Variants in CIT observed in about 807,000 individuals in gnomAD.
CIT encodes the protein citron rho-interacting serine/threonine kinase.
CIT carries 79 observed loss-of-function variants against 272.7 expected under a neutral mutation model. The ratio of observed to expected loss-of-function variants is 0.29; its 90% CI spans 0.24 to 0.35. The LOEUF (loss-of-function observed/expected upper bound fraction) is 0.35. Ranked by LOEUF, CIT falls within the 10% of genes least tolerant of loss-of-function variation. The probability of loss-of-function intolerance (pLI) is 1.00; values close to 1 mark genes in which losing one functional copy is unlikely to be tolerated. For synonymous variants in CIT, 948 were observed against 995.6 expected, an observed-to-expected ratio of 0.95 and a Z score of 0.90; for missense variants, 1,909 against 2,618.3, an observed-to-expected ratio of 0.73 and a Z score of 5.91.
chr12:119,712,058 G>T lies in CIT; in HGVS notation c.4854+120C>A, dbSNP rs913106640. 7.1e-5 allele frequency: 67 copies of T among 946,812 alleles called. No homozygotes were observed. The highest frequency in any genetic ancestry group is 1.6e-4 in the Admixed American group (7 of 43,020). 58.7% of individuals were successfully genotyped at this position (946,812 alleles called of 1,614,324 possible). A position where few individuals can be genotyped will look rare whatever the true frequency, so the allele number is the denominator to read the frequency against. On this transcript the variant is annotated intron_variant, in intron 37 of 47. Coordinates refer to ENST00000392521, the MANE Select transcript of CIT (RefSeq NM_001206999.2). This position sits in a 1 kb window ranked among gnomAD's most constrained non-coding sequence, Gnocchi z 5.2. Reference sequence around the variant, plus strand: ...GCCATGACACAGTCTAGAGCCATCAGCCCTCAGAGAGAGAGCCTGAGGGGA... The same window carrying T: ...GCCATGACACAGTCTAGAGCCATCATCCCTCAGAGAGAGAGCCTGAGGGGA...
intron 9 of CIT, among the ~76,000 whole-genome samples, chr12:119,807,156 G>GT (rs1966659438): frequency 1.3e-5 from 2 of 152,188 alleles, no homozygotes; most frequent in South Asian, 4.1e-4. Context: ...AGGTCCCCAG[G>GT]TGATTCATGT....
rs896083034 is a variant in CIT, at chr12:119,713,004, C to T, written c.4579+199G>A. 4 of 618,570 alleles carry T rather than the reference C, an allele frequency of 6.5e-6. No individual in the cohort carries two copies. Among genetic ancestry groups the T allele is most frequent in the East Asian group, 2.7e-5 (1 of 37,120 alleles). The allele number at this position is 618,570 out of a possible 1,614,324, so 38.3% of individuals were successfully genotyped here. ...GTGGAATCTTCAGGGCAGCGCCCTG[C>T]GGGTTCTTCAGGGGGGAGACCTATA... is the stretch of plus-strand genomic sequence containing the variant. On this transcript the variant is annotated intron_variant, in intron 35 of 47. Coordinates refer to ENST00000392521, the MANE Select transcript of CIT (RefSeq NM_001206999.2). This position sits in a 1 kb window ranked among gnomAD's most constrained non-coding sequence, Gnocchi z 5.2.
chr12:119,830,763 G>T (rs2138105204), intron 7 of CIT, among the ~76,000 whole-genome samples: 2 of 152,254 alleles, frequency 1.3e-5, no homozygotes, highest in South Asian at 2.1e-4. Flanking sequence ...CCACAACAAA[G>T]AATTATTCAG....
At chr12:119,757,922 G>A (rs1045221680) in intron 21 of CIT, among the ~76,000 whole-genome samples, 7 of 152,142 alleles carry the variant, frequency 4.6e-5, no homozygotes, top group African/African-American at 1.7e-4. Flanking sequence ...ATGAAGGCAG[G>A]CCCTGGAGAA....
rs203349 is a variant in CIT at position 119,795,147 on chromosome 12, C to T, written c.1295+8059G>A. Among the ~76,000 whole-genome samples the T allele has an allele frequency of 8.2e-3, 1,244 of 152,144 alleles. 17 individuals carry two copies. Among genetic ancestry groups the T allele is most frequent in the African/African-American group, 0.028 (1,172 of 41,498 alleles). On this transcript the variant is annotated intron_variant, in intron 10 of 47. Transcript: ENST00000392521. ...CTGTAATCACAACACTTTGGGAGGC[C>T]GAGGCTGGCAGATCACTTGAGGTCA...
chr12:119,802,754 C>T (rs148265233), intron 10 of CIT, among the ~76,000 whole-genome samples: 2 of 152,196 alleles, frequency 1.3e-5, no homozygotes, highest in Non-Finnish European at 2.9e-5. Context: ...AAACCTCTAG[C>T]TTATGAGACA....
At chr12:119,783,873 A>G in intron 12 of CIT, 35 bp downstream of exon 12, 1 of 1,540,292 alleles carries the variant, frequency 6.5e-7, no homozygotes, top group African/African-American at 1.4e-5. Context: ...AGGAAGTGCC[A>G]CCTCCAAGGG....
At position 119,850,294 on chromosome 12, in the gene CIT, G is replaced by T. The variant is rs746129282; in HGVS notation, c.415-19C>A. 1.0e-5 allele frequency: 15 copies of T among 1,496,676 alleles called. No individual in the cohort carries two copies. The highest frequency in any genetic ancestry group is 1.4e-5 in the African/African-American group (1 of 71,486). 92.7% of individuals were successfully genotyped at this position (1,496,676 alleles called of 1,614,324 possible). A position where few individuals can be genotyped will look rare whatever the true frequency, so the allele number is the denominator to read the frequency against. Reference sequence around the variant, plus strand: ...ATGAAACCTAGGGAAAAAAGAAACTGCTTAGACAATTATAAAGAACTGTGA... The same window carrying T: ...ATGAAACCTAGGGAAAAAAGAAACTTCTTAGACAATTATAAAGAACTGTGA... On this transcript the variant is annotated intron_variant, in intron 4 of 47. Transcript: ENST00000392521.
Position 119,752,181 on chromosome 12 carries a change from G to C in CIT, c.2773C>G (p.Leu925Val). Residue 925 changes from leucine (L) to valine (V), a missense_variant, in exon 23 of 48, where the codon CTG (leucine) becomes GTG (valine). Physicochemically the swap from Leu to Val is conservative, Grantham distance 32. Around this residue, in one of 8 missense-constraint regions of CIT, gnomAD observed 530 missense variants for 822.4 expected, o/e 0.64. Coordinates refer to ENST00000392521, the MANE Select transcript of CIT (RefSeq NM_001206999.2). ...KRQLTELQLS[L>V]QERESQLTAL... is the part of the protein sequence containing the mutation. The stretch of plus-strand genomic sequence containing the variant: ...GTCAACTGTGACTCGCGCTCCTGCA[G>C]GGAGAGCTGTAGCTCTGTGAGCTGG... 6.2e-7 allele frequency: 1 copy of C among 1,612,232 alleles called. No homozygotes were observed. Among genetic ancestry groups the C allele is most frequent in the Non-Finnish European group, 8.5e-7 (1 of 1,179,998 alleles).
intron 5 of CIT, among the ~76,000 whole-genome samples, chr12:119,842,014 G>A (rs541568751): frequency 6.6e-5 from 10 of 152,306 alleles, no homozygotes; most frequent in South Asian, 2.1e-4. Flanking sequence ...TGGAAAAGAA[G>A]TTCATGAGTC....
In CIT at chr12:119,722,992, T is replaced by G. The variant is rs376860754; in HGVS notation, c.3592-1543A>C. Among the ~76,000 whole-genome samples the G allele has an allele frequency of 4.6e-5, 7 of 152,030 alleles. No homozygotes were observed. The South Asian group carries it at 1.2e-3, about 27-fold the overall frequency. On this transcript the variant is annotated intron_variant, in intron 28 of 47. Transcript: ENST00000392521. ...ATCGCTTGAGCCCATGAGTTCGAAG[T>G]GGCAATGAGCTATGATTATGCCACT... is the stretch of plus-strand genomic sequence containing the variant.
At position 119,713,252 on chromosome 12, in the gene CIT, A is replaced by G. The variant is rs145311968; in HGVS notation, c.4530T>C (p.Ile1510=). 6.2e-7 allele frequency: 1 copy of G among 1,614,122 alleles called. No individual in the cohort carries two copies. The highest frequency in any genetic ancestry group is 8.5e-7 in the Non-Finnish European group (1 of 1,179,996). Residue 1510 remains isoleucine (I), a synonymous_variant, in exon 35 of 48, where the codon ATT becomes ATC. Coordinates refer to ENST00000392521, the MANE Select transcript of CIT (RefSeq NM_001206999.2). The surrounding 1 kb of genome is among the most constrained non-coding windows in gnomAD (Gnocchi z 5.2). ...RGQQGWDRKY[I]VLEGSKVLIY... The stretch of plus-strand genomic sequence containing the variant: ...TGAGGACTTTTGATCCCTCCAGGAC[A>G]ATGTACTTCCTGTCCCAGCCTTGCT...
Position 119,714,167 on chromosome 12 carries a change from C to T in CIT, c.4306+30G>A, listed in dbSNP as rs781434042. 1.6e-5 allele frequency: 26 copies of T among 1,612,716 alleles called. 1 individual carries two copies. In the South Asian group the frequency reaches 2.8e-4, roughly 17 times the overall value. ...TTTTAAGCTGGAGATGCACAGGTGC[C>T]CAGCACAGATGCACAACTACTGATC... On this transcript the variant is annotated intron_variant, in intron 33 of 47. Coordinates refer to ENST00000392521, the MANE Select transcript of CIT (RefSeq NM_001206999.2).
At position 119,822,859 on chromosome 12, in the gene CIT, G is replaced by A; in HGVS notation, c.1072C>T (p.Pro358Ser). The change falls in exon 9 of 48, where the codon CCT becomes TCT. Residue 358 changes from proline to serine, a missense_variant. Physicochemically the swap from Pro to Ser is moderately conservative, Grantham distance 74. Around this residue, in one of 8 missense-constraint regions of CIT, gnomAD observed 529 missense variants for 549.6 expected, o/e 0.96. Transcript: ENST00000392521. The part of the protein sequence containing the change: ...RLKFEGLCCH[P>S]FFSKIDWNNI... Reference sequence around the variant, plus strand: ...TTCCAGTCAATTTTAGAGAAGAAAGGATGGCAGCAAAGACCTTCAAACTTC... The same window carrying A: ...TTCCAGTCAATTTTAGAGAAGAAAGAATGGCAGCAAAGACCTTCAAACTTC... 6.2e-7 allele frequency: 1 copy of A among 1,614,086 alleles called. No individual in the cohort carries two copies. Among genetic ancestry groups the A allele is most frequent in the Non-Finnish European group, 8.5e-7 (1 of 1,180,010 alleles).
At position 119,730,654 on chromosome 12, in the gene CIT, T is replaced by G. The variant is rs754383487; in HGVS notation, c.3351-24A>C. ...CCCTGCCAGAAAGACACAGGTCAGCTTTTGGTAGCCCCCCAACAGCTGACC... is the reference window on the plus strand; with the variant it reads ...CCCTGCCAGAAAGACACAGGTCAGCGTTTGGTAGCCCCCCAACAGCTGACC... On this transcript the variant is annotated intron_variant, in intron 26 of 47. Transcript: ENST00000392521. 1.9e-6 allele frequency: 3 copies of G among 1,607,550 alleles called. No individual in the cohort carries two copies. The African/African-American group carries it at 4.0e-5, about 21-fold the overall frequency.
chr12:119,691,558 C>T (rs1024401267), intron 46 of CIT, among the ~76,000 whole-genome samples: 1 of 152,124 alleles, frequency 6.6e-6, no homozygotes, highest in African/African-American at 2.4e-5. Flanking sequence ...GGAAACTGAG[C>T]AGGGCAGACA....
rs561429604 is a variant in CIT, at chr12:119,708,880, T to C, written c.5072-562A>G. ...ATTCTGCAGACATAAAATTGGAGAA[T>C]GTGAACTGTACTTTCAAACATGCTC... On this transcript the variant is annotated intron_variant, in intron 39 of 47. Coordinates refer to ENST00000392521, the MANE Select transcript of CIT (RefSeq NM_001206999.2). Among the ~76,000 whole-genome samples, 22 of 152,292 alleles carry C rather than the reference T, an allele frequency of 1.4e-4. 1 individual carries two copies. Among genetic ancestry groups the C allele is most frequent in the Admixed American group, 1.4e-3 (21 of 15,296 alleles).
intron 5 of CIT, among the ~76,000 whole-genome samples, chr12:119,841,774 TC>T (rs1969426855): frequency 6.6e-6 from 1 of 152,186 alleles, no homozygotes; most frequent in Admixed American, 6.5e-5. Flanking sequence ...TGGCCCAACT[TC>T]AGCCATGTAA....
chr12:119,733,174 G>C (rs1459994540), intron 26 of CIT, among the ~76,000 whole-genome samples: 1 of 151,520 alleles, frequency 6.6e-6, no homozygotes, highest in African/African-American at 2.4e-5. Context: ...ACAAAAGTGA[G>C]AAAGCAGAGG....
Sources: gnomAD v4.1 joint callset for allele counts (sites outside exome capture counted in the v4.1 genomes callset) on GRCh38, gnomAD v4.1.1 for gene constraint, gnomAD v4.1.1 regional missense constraint, Gnocchi (gnomAD v3.1) non-coding constraint, MANE v1.5 for transcripts, NCBI Gene and HGNC (gene_info 2026-07-23, HGNC 2026-07-21) for gene names.